Variants in SAMTOR observed in about 807,000 individuals in gnomAD.
SAMTOR encodes UPF0532 protein C7orf60.
chr7:112,903,498 G>T, the SAMTOR span, among the ~76,000 whole-genome samples: 1 of 151,670 alleles, frequency 6.6e-6, no homozygotes, highest in African/African-American at 2.4e-5. Flanking sequence ...GGGGAAATTT[G>T]ATTATGGATT....
chr7:112,844,981 A>C, the SAMTOR span, among the ~76,000 whole-genome samples: 1 of 152,120 alleles, frequency 6.6e-6, no homozygotes, highest in African/African-American at 2.4e-5. Flanking sequence ...AGCTGACAAA[A>C]ACAAGCAATG....
At chr7:112,832,012 C>CT in the SAMTOR span, among the ~76,000 whole-genome samples, 1,954 of 131,084 alleles carry the variant, frequency 0.015, 43 homozygotes, top group African/African-American at 0.044. Flanking sequence ...ACTGAAGTTT[C>CT]TTTTTTTTTT....
At chr7:112,864,387 T>TA in the SAMTOR span, among the ~76,000 whole-genome samples, 7 of 150,230 alleles carry the variant, frequency 4.7e-5, no homozygotes, top group South Asian at 4.2e-4. Context: ...ATTTAAAAGT[T>TA]AAAAAAAAAA....
At chr7:112,832,750 A>G in the SAMTOR span, 1 of 1,009,656 alleles carries the variant, frequency 9.9e-7, no homozygotes, top group Non-Finnish European at 1.5e-6. Context: ...CAGTTCTTTA[A>G]CTTTTTGGTC....
At chr7:112,889,501 A>G in the SAMTOR span, among the ~76,000 whole-genome samples, 1 of 152,184 alleles carries the variant, frequency 6.6e-6, no homozygotes, top group African/African-American at 2.4e-5. Context: ...AGGAAGAATG[A>G]GAATACACAC....
chr7:112,844,487 G>A, the SAMTOR span, among the ~76,000 whole-genome samples: 25 of 149,088 alleles, frequency 1.7e-4, no homozygotes, highest in Admixed American at 3.3e-4. Context: ...ACACCAGTAA[G>A]GCAATCCCAT....
the SAMTOR span, among the ~76,000 whole-genome samples, chr7:112,875,971 T>G: frequency 1.8e-4 from 27 of 152,150 alleles, no homozygotes; most frequent in African/African-American, 6.0e-4. Flanking sequence ...TAGTAGAGAC[T>G]TTTTTTTGAA....
chr7:112,821,439 T>C, the SAMTOR span: 1 of 199,602 alleles, frequency 5.0e-6, no homozygotes, highest in East Asian at 1.2e-4. Context: ...AAGGAAAACA[T>C]ATAGCAAATT....
chr7:112,842,419 C>T, the SAMTOR span, among the ~76,000 whole-genome samples: 44 of 151,928 alleles, frequency 2.9e-4, no homozygotes, highest in Admixed American at 5.9e-4. Context: ...CCAGTTTGGA[C>T]CAATGCTCTC....
At chr7:112,852,815 AGT>A in the SAMTOR span, among the ~76,000 whole-genome samples, 2 of 152,110 alleles carry the variant, frequency 1.3e-5, no homozygotes, top group African/African-American at 4.8e-5. Context: ...AACCTTTCTT[AGT>A]GTGTCATATA....
the SAMTOR span, among the ~76,000 whole-genome samples, chr7:112,876,634 A>G: frequency 6.6e-6 from 1 of 152,148 alleles, no homozygotes; most frequent in Non-Finnish European, 1.5e-5. Flanking sequence ...TTTCTCCATT[A>G]AAGAGTATCT....
At chr7:112,863,128 T>C in the SAMTOR span, among the ~76,000 whole-genome samples, 49 of 152,042 alleles carry the variant, frequency 3.2e-4, no homozygotes, top group African/African-American at 1.1e-3. Flanking sequence ...CGAAATAAGA[T>C]CACACACCTA....
chr7:112,823,220 A>C, the SAMTOR span, among the ~76,000 whole-genome samples: 1 of 152,174 alleles, frequency 6.6e-6, no homozygotes, highest in Non-Finnish European at 1.5e-5. Context: ...ACCTGAAAAA[A>C]AGATGCTTTT....
the SAMTOR span, among the ~76,000 whole-genome samples, chr7:112,891,725 G>A: frequency 2.6e-5 from 4 of 152,158 alleles, no homozygotes; most frequent in African/African-American, 9.7e-5. Flanking sequence ...CAATAGCATT[G>A]TCTAAAAAAC....
chr7:112,918,118 G>A, the SAMTOR span, among the ~76,000 whole-genome samples: 1,327 of 152,266 alleles, frequency 8.7e-3, 23 homozygotes, highest in African/African-American at 0.03. Context: ...TACTCCTAAA[G>A]AAGAGCAACT....
chr7:112,849,075 T>C, the SAMTOR span, among the ~76,000 whole-genome samples: 7 of 151,366 alleles, frequency 4.6e-5, 1 homozygote, highest in South Asian at 1.5e-3. Flanking sequence ...AAGAAAAAAT[T>C]ATTTAGTACT....
At chr7:112,939,551 T>G in the SAMTOR span, 1 of 1,613,384 alleles carries the variant, frequency 6.2e-7, no homozygotes, top group Non-Finnish European at 8.5e-7. Context: ...TTGGGGGTGA[T>G]GAGGCCTCCC....
At chr7:112,874,343 G>T in the SAMTOR span, among the ~76,000 whole-genome samples, 1 of 152,102 alleles carries the variant, frequency 6.6e-6, no homozygotes, top group African/African-American at 2.4e-5. Flanking sequence ...GTGTACCACA[G>T]AATACTATGC....
chr7:112,907,517 A>G, the SAMTOR span, among the ~76,000 whole-genome samples: 1 of 152,086 alleles, frequency 6.6e-6, no homozygotes, highest in African/African-American at 2.4e-5. Context: ...ACAAAAGCAA[A>G]AACTTTCTGT....
Sources: allele counts gnomAD v4.1 joint callset (sites outside exome capture counted in the v4.1 genomes callset), GRCh38; gene constraint gnomAD v4.1.1; transcripts MANE v1.5; gene names NCBI Gene and HGNC (gene_info 2026-07-23, HGNC 2026-07-21).